Variants in LINC02747 observed in about 807,000 individuals in gnomAD.
LINC02747 encodes the protein long independently transcribed non-coding RNA 2747.
intron 1 of LINC02747, chr11:69,477,747 A>G (rs934152965): frequency 2.0e-5 from 3 of 152,092 alleles, no homozygotes; most frequent in Non-Finnish European, 1.5e-5. Flanking sequence ...GGGCTCAGGA[A>G]AAGAATGAGC....
intron 1 of LINC02747, among the ~76,000 whole-genome samples, chr11:69,479,151 A>G (rs139749296): frequency 6.9e-6 from 1 of 145,452 alleles, no homozygotes; most frequent in African/African-American, 2.5e-5. Flanking sequence ...GCTACTCGGG[A>G]GGCTGAGGCA....
chr11:69,475,774 A>C (rs575361797), exon 2 of LINC02747: 6 of 152,286 alleles, frequency 3.9e-5, no homozygotes, highest in Non-Finnish European at 7.4e-5. Flanking sequence ...TTATCAGGCC[A>C]CTAATTTCAT....
intron 1 of LINC02747, among the ~76,000 whole-genome samples, chr11:69,478,457 T>G (rs1857016105): frequency 6.6e-6 from 1 of 152,186 alleles, no homozygotes; most frequent in African/African-American, 2.4e-5. Context: ...CTCCTGTCTT[T>G]CCTCACTCAC....
chr11:69,478,443 C>T (rs1474244052), intron 1 of LINC02747, among the ~76,000 whole-genome samples: 2 of 152,228 alleles, frequency 1.3e-5, no homozygotes, highest in African/African-American at 4.8e-5. Flanking sequence ...ACCCTGACCG[C>T]CTGCTCCTGT....
At chr11:69,477,498 T>C (rs1857006781) in exon 2 of LINC02747, 1 of 152,280 alleles carries the variant, frequency 6.6e-6, no homozygotes, top group African/African-American at 2.4e-5. Flanking sequence ...CTGTGAGCTT[T>C]GCAACAGATC....
chr11:69,481,272 T>A (rs1468791213), intron 1 of LINC02747, among the ~76,000 whole-genome samples: 1 of 152,204 alleles, frequency 6.6e-6, no homozygotes, highest in Admixed American at 6.5e-5. Context: ...TTGTGATGGC[T>A]GCCCTCACTC....
exon 2 of LINC02747, chr11:69,476,777 C>G (rs1057391501): frequency 1.3e-5 from 2 of 152,222 alleles, no homozygotes; most frequent in African/African-American, 4.8e-5. Context: ...CCTCTAGGGT[C>G]ATTAATATGG....
chr11:69,477,279 G>A (rs1319653701), exon 2 of LINC02747: 1 of 152,228 alleles, frequency 6.6e-6, no homozygotes, highest in Non-Finnish European at 1.5e-5. Flanking sequence ...TCAAGAACAA[G>A]GATGGCCCAG....
chr11:69,476,091 C>T (rs1856990576), exon 2 of LINC02747: 1 of 151,588 alleles, frequency 6.6e-6, no homozygotes, highest in African/African-American at 2.4e-5. Context: ...GAATGGGCCT[C>T]CTGACCCAGA....
exon 2 of LINC02747, chr11:69,475,790 G>A (rs1856987573): frequency 6.6e-6 from 1 of 152,072 alleles, no homozygotes; most frequent in Non-Finnish European, 1.5e-5. Flanking sequence ...TTCATCACGG[G>A]GCCGCACCCT....
chr11:69,478,984 G>A (rs1003465969), intron 1 of LINC02747, among the ~76,000 whole-genome samples: 1 of 152,126 alleles, frequency 6.6e-6, no homozygotes, highest in Non-Finnish European at 1.5e-5. Flanking sequence ...GCCAGGTGCG[G>A]TGGCTCACGC....
intron 1 of LINC02747, chr11:69,479,807 G>A (rs1857032738): frequency 6.6e-6 from 1 of 152,406 alleles, no homozygotes; most frequent in Non-Finnish European, 1.5e-5. Context: ...TAGCCTGGGG[G>A]GCCTGCTCAG....
At chr11:69,479,710 A>G in intron 1 of LINC02747, 1 of 152,970 alleles carries the variant, frequency 6.5e-6, no homozygotes, top group Non-Finnish European at 1.5e-5. Flanking sequence ...CGCTTCCCTC[A>G]GGACCTGCCA....
At chr11:69,477,927 T>C (rs1372418184) in intron 1 of LINC02747, among the ~76,000 whole-genome samples, 6 of 152,138 alleles carry the variant, frequency 3.9e-5, no homozygotes, top group Non-Finnish European at 8.8e-5. Context: ...TCCAACCATG[T>C]GCAGGGCCCT....
exon 2 of LINC02747, chr11:69,477,022 C>T (rs1857002571): frequency 6.6e-6 from 1 of 152,266 alleles, no homozygotes; most frequent in South Asian, 2.1e-4. Flanking sequence ...AAGGATCCCT[C>T]TGAGTACCTG....
intron 1 of LINC02747, among the ~76,000 whole-genome samples, chr11:69,479,044 C>T (rs1364849680): frequency 6.6e-6 from 1 of 152,034 alleles, no homozygotes; most frequent in Non-Finnish European, 1.5e-5. Flanking sequence ...AACTTGAGGT[C>T]AGGAGTTCGA....
At chr11:69,478,537 T>C (rs1857016721) in intron 1 of LINC02747, among the ~76,000 whole-genome samples, 2 of 152,156 alleles carry the variant, frequency 1.3e-5, no homozygotes, top group Non-Finnish European at 2.9e-5. Flanking sequence ...CACAAAGGAA[T>C]ATGTTCCTAA....
At chr11:69,479,423 C>A (rs1176902602) in intron 1 of LINC02747, among the ~76,000 whole-genome samples, 1 of 152,128 alleles carries the variant, frequency 6.6e-6, no homozygotes, top group African/African-American at 2.4e-5. Context: ...CTGCGGTGCC[C>A]TAACTCTTCT....
At chr11:69,480,423 G>A (rs1379181764) in intron 1 of LINC02747, among the ~76,000 whole-genome samples, 1 of 152,214 alleles carries the variant, frequency 6.6e-6, no homozygotes, top group Admixed American at 6.5e-5. Flanking sequence ...CCTGACCAGA[G>A]TCAATGTTGT....
Sources: allele counts gnomAD v4.1 joint callset (sites outside exome capture counted in the v4.1 genomes callset), GRCh38; gene constraint gnomAD v4.1.1; transcripts MANE v1.5; gene names NCBI Gene and HGNC (gene_info 2026-07-23, HGNC 2026-07-21).